The following CCDC15 variants were observed in gnomAD, a reference collection of about 807,000 sequenced individuals.
CCDC15 encodes coiled-coil domain-containing protein 15.
Under a neutral mutation model 114.5 loss-of-function variants are expected in CCDC15, and 105 were observed. The ratio of observed to expected loss-of-function variants is 0.92; its 90% CI spans 0.78 to 1.08. CCDC15 has a LOEUF of 1.08. Ranked by LOEUF, CCDC15 falls within the 50% of genes least tolerant of loss-of-function variation. The pLI, the probability that CCDC15 is intolerant of heterozygous loss-of-function variation, is 0.00. For synonymous variants in CCDC15, 334 were observed against 377.8 expected (o/e 0.88, Z 1.34); for missense variants, 1,105 against 1,093.6 (o/e 1.01, Z -0.15).
rs781115859 is a variant in CCDC15 at position 124,954,726 on chromosome 11, G to A, written c.-7G>A. The A allele has an allele frequency of 6.2e-7, 1 of 1,613,584 alleles. No individual in the cohort carries two copies. Among genetic ancestry groups the A allele is most frequent in the South Asian group, 1.1e-5 (1 of 91,066 alleles). ...AGCTTTTTCTTTCTCCTAATCAGGA[G>A]TCACAGATGCTGGGAAGTATGGCCC... On this transcript the variant is annotated splice_region_variant and 5_prime_UTR_variant, in exon 2 of 16. Transcript: ENST00000344762.
chr11:124,960,204 A>C (rs1328327215), intron 4 of CCDC15, among the ~76,000 whole-genome samples: 2 of 151,386 alleles, frequency 1.3e-5, no homozygotes, highest in Non-Finnish European at 2.9e-5. Flanking sequence ...TTTTAAATTT[A>C]AATTCATTTG....
chr11:124,961,881 T>A (rs1947666203), intron 4 of CCDC15, among the ~76,000 whole-genome samples: 1 of 152,134 alleles, frequency 6.6e-6, no homozygotes, highest in Admixed American at 6.5e-5. Flanking sequence ...GAATCTCCAA[T>A]GAGCCAGGTG....
At chr11:125,005,773 G>A (rs137941689) in intron 13 of CCDC15, among the ~76,000 whole-genome samples, 1 of 152,040 alleles carries the variant, frequency 6.6e-6, no homozygotes, top group Non-Finnish European at 1.5e-5. Flanking sequence ...CCATGGTTTT[G>A]CCTTTTCCAG....
In CCDC15 at chr11:124,987,697, C is replaced by A. The variant is rs1290094926; in HGVS notation, c.1471C>A (p.Gln491Lys). 1.2e-6 allele frequency: 2 copies of A among 1,613,578 alleles called. No individual in the cohort carries two copies. The highest frequency in any genetic ancestry group is 4.5e-5 in the East Asian group (2 of 44,858). Residue 491 changes from glutamine to lysine, a missense_variant, in exon 8 of 16, where the codon CAA becomes AAA. Coordinates refer to ENST00000344762, the MANE Select transcript of CCDC15 (RefSeq NM_025004.3). ...SRDQHVLPKD[Q>K]DILPKYQDQN... is the part of the protein sequence containing the mutation. ...AGACCAGCATGTTCTCCCCAAAGAC[C>A]AAGATATTCTGCCAAAATATCAGGA...
intron 6 of CCDC15, among the ~76,000 whole-genome samples, chr11:124,980,187 ATTTTTGCATC>A: frequency 6.6e-6 from 1 of 151,900 alleles, no homozygotes; most frequent in Non-Finnish European, 1.5e-5. Flanking sequence ...TTTGTTGAGG[ATTTTTGCATC>A]TATGTTTATC....
At chr11:125,039,348 T>C in intron 15 of CCDC15, 1 of 313,490 alleles carries the variant, frequency 3.2e-6, no homozygotes, top group Non-Finnish European at 5.8e-6. Context: ...CTGAAGACTA[T>C]TAGAATTTGC....
rs1443572665 is a variant in CCDC15 at position 125,030,581 on chromosome 11, GA to G, written c.2412-7849del. Among the ~76,000 whole-genome samples the G allele has an allele frequency of 9.2e-5, 14 of 152,324 alleles. No individual in the cohort carries two copies. The East Asian group carries it at 2.5e-3, about 27-fold the overall frequency. ...GAGGACAAACCTCTGCCCTTTACAT[GA>G]TGGAAGAAGTCCAGTATAATCAGCC... On this transcript the variant is annotated intron_variant, in intron 13 of 15. Transcript: ENST00000344762.
chr11:125,008,685 C>T (rs1158281356), intron 13 of CCDC15, among the ~76,000 whole-genome samples: 1 of 151,966 alleles, frequency 6.6e-6, no homozygotes, highest in Non-Finnish European at 1.5e-5. Context: ...TCTTCTCCAT[C>T]AGTTGCATTT....
chr11:124,973,786 C>T (rs1024259491), intron 4 of CCDC15, among the ~76,000 whole-genome samples: 2 of 151,876 alleles, frequency 1.3e-5, no homozygotes, highest in African/African-American at 4.8e-5. Context: ...TGTGCCACTA[C>T]AGCAAATTTT....
At chr11:124,954,552 C>A (rs534960969) in intron 1 of CCDC15, among the ~76,000 whole-genome samples, 172 bp from the exon 2 acceptor site, 2 of 152,298 alleles carry the variant, frequency 1.3e-5, no homozygotes, top group African/African-American at 4.8e-5. Context: ...CTTCCCATTT[C>A]TCTTCCCTTC....
chr11:125,016,302 GC>G (rs137947873), intron 13 of CCDC15, among the ~76,000 whole-genome samples: 9,578 of 151,838 alleles, frequency 0.063, 363 homozygotes, highest in African/African-American at 0.11. Context: ...TTCCTCACAT[GC>G]TTTTTTCTCC....
intron 4 of CCDC15, among the ~76,000 whole-genome samples, chr11:124,970,140 C>G (rs1178556395): frequency 1.3e-5 from 2 of 152,190 alleles, no homozygotes; most frequent in African/African-American, 4.8e-5. Flanking sequence ...ATTGTCATCT[C>G]CTCATCACAG....
intron 11 of CCDC15, among the ~76,000 whole-genome samples, chr11:125,003,559 C>G (rs1353891995): frequency 1.3e-5 from 2 of 151,942 alleles, no homozygotes; most frequent in Non-Finnish European, 2.9e-5. Context: ...TCCAAGCGCA[C>G]TCATGACAGT....
At chr11:125,028,591 C>T (rs911731561) in intron 13 of CCDC15, among the ~76,000 whole-genome samples, 25 of 152,090 alleles carry the variant, frequency 1.6e-4, no homozygotes, top group African/African-American at 5.8e-4. Context: ...ATTTGATTCT[C>T]AGCTTGGTCA....
At position 124,986,813 on chromosome 11, in the gene CCDC15, T is replaced by C; in HGVS notation, c.825T>C (p.Asp275=). The C allele has an allele frequency of 6.4e-7, 1 of 1,554,716 alleles. No individual in the cohort carries two copies. The highest frequency in any genetic ancestry group is 8.7e-7 in the Non-Finnish European group (1 of 1,148,286). The change falls in exon 7 of 16, where the codon GAT becomes GAC. Residue 275 remains aspartate (D), a synonymous_variant. Transcript: ENST00000344762. ...SLVTDEKGKE[D]LFGRGQQDQQ... is the part of the protein sequence containing the mutation. ...TAACTGATGAGAAAGGGAAAGAAGATTTGTTTGGGAGAGGCCAGCAGGACC... is the reference window on the plus strand; with the variant it reads ...TAACTGATGAGAAAGGGAAAGAAGACTTGTTTGGGAGAGGCCAGCAGGACC...
Position 124,987,223 on chromosome 11 carries a change from C to T in CCDC15, c.997C>T (p.Gln333Ter), listed in dbSNP as rs752717294. 9 of 1,546,938 alleles carry T rather than the reference C, an allele frequency of 5.8e-6. No individual in the cohort carries two copies. Among genetic ancestry groups the T allele is most frequent in the Non-Finnish European group, 7.8e-6 (9 of 1,153,650 alleles). The change falls in exon 8 of 16, where the codon CAG becomes TAG. Residue 333 changes from glutamine (Q) to a stop codon, truncating the protein, a stop_gained. Transcript: ENST00000344762. LOFTEE classifies it high-confidence loss of function. ...CCTTCAGGATATTCTGCCAGAAGCC[C>T]AGGATTATTTTCTAGAAGCCCAAGG... ...EGLQDILPEA[Q>*]DYFLEAQGDL...
chr11:124,979,836 G>C (rs1351017818), intron 6 of CCDC15, among the ~76,000 whole-genome samples: 1 of 152,096 alleles, frequency 6.6e-6, no homozygotes, highest in Non-Finnish European at 1.5e-5. Flanking sequence ...GGACATCTTT[G>C]TCTTGTTCTG....
At chr11:124,959,669 C>T in intron 3 of CCDC15, 146 bp from the exon 4 acceptor site, 1 of 579,664 alleles carries the variant, frequency 1.7e-6, no homozygotes, top group Non-Finnish European at 2.9e-6. Flanking sequence ...TGGGAGGTGC[C>T]TGGTAAATGT....
At chr11:125,032,249 C>T (rs913248760) in intron 13 of CCDC15, among the ~76,000 whole-genome samples, 2 of 152,162 alleles carry the variant, frequency 1.3e-5, no homozygotes, top group Non-Finnish European at 2.9e-5. Context: ...GTTGATATAC[C>T]CCTGAGGTAG....
Sources: allele counts gnomAD v4.1 joint callset (sites outside exome capture counted in the v4.1 genomes callset), GRCh38; gene constraint gnomAD v4.1.1; transcripts MANE v1.5; gene names NCBI Gene and HGNC (gene_info 2026-07-23, HGNC 2026-07-21).